The following PCDH11X variants were observed in gnomAD, a reference collection of about 807,000 sequenced individuals.
The protein encoded by PCDH11X is protocadherin-11 X-linked.
In PCDH11X, 18 loss-of-function variants were observed where a neutral mutation model predicts 53.3. The observed-to-expected ratio is 0.34, with a 90% confidence interval of 0.23 to 0.50. PCDH11X has a LOEUF of 0.50. Among genes scored for constraint, PCDH11X ranks in the 20% least tolerant of loss-of-function variants. The pLI is 0.98. For missense variants in PCDH11X, 570 were observed against 1,032.4 expected (o/e 0.55, Z 6.14); for synonymous variants, 279 against 393.3 (o/e 0.71, Z 3.44).
At chrX:92,272,086 A>C (rs767435813) in intron 8 of PCDH11X, among the ~76,000 whole-genome samples, 9 of 111,665 alleles carry the variant, frequency 8.1e-5, no homozygotes, top group South Asian at 7.5e-4. Flanking sequence ...CTCGACATAA[A>C]ATATAAATGG....
intron 4 of PCDH11X, among the ~76,000 whole-genome samples, chrX:91,814,881 T>C (rs1936405677): frequency 9.4e-6 from 1 of 106,403 alleles, no homozygotes; most frequent in Non-Finnish European, 1.9e-5. Context: ...AGGATTAGAC[T>C]TGTCTTTGTG....
intron 5 of PCDH11X, among the ~76,000 whole-genome samples, chrX:91,838,094 C>T (rs192834213): frequency 3.9e-4 from 44 of 111,716 alleles, no homozygotes; most frequent in African/African-American, 1.4e-3. Context: ...TGTTTTAAAA[C>T]GTAGTGCTTT....
chrX:92,411,978 A>G (rs1388026395), intron 9 of PCDH11X, among the ~76,000 whole-genome samples: 2 of 12,385 alleles, frequency 1.6e-4, no homozygotes, highest in Admixed American at 1.3e-3. Context: ...AGGGAAGAAG[A>G]AGAAGAAGAA....
intron 6 of PCDH11X, among the ~76,000 whole-genome samples, chrX:91,917,178 A>G (rs770051594): frequency 5.4e-5 from 6 of 110,179 alleles, no homozygotes; most frequent in East Asian, 2.9e-4. Flanking sequence ...AATAAAAGCT[A>G]TCTGTGACAA....
chrX:92,277,159 T>A (rs752010600), intron 8 of PCDH11X, among the ~76,000 whole-genome samples: 88 of 109,202 alleles, frequency 8.1e-4, no homozygotes, highest in African/African-American at 2.9e-3. Context: ...ACGCTTGGGG[T>A]TGGGACTGAG....
chrX:92,164,425 A>G (rs2065696753), intron 6 of PCDH11X, among the ~76,000 whole-genome samples: 1 of 112,186 alleles, frequency 8.9e-6, no homozygotes, highest in Non-Finnish European at 1.9e-5. Context: ...TTCTAATGAG[A>G]AGTAATTCTA....
chrX:92,355,202 C>A (rs1196992474), intron 8 of PCDH11X, among the ~76,000 whole-genome samples: 1 of 95,433 alleles, frequency 1.0e-5, no homozygotes, highest in Admixed American at 1.2e-4. Flanking sequence ...CCGAGGCGGG[C>A]GGATCATGAG....
rs774757556 is a variant in PCDH11X, at chrX:91,782,799, C to T, written c.-379+3115C>T. ...TAAGACGGAAGCCCGCTGCGGCTTCCCTTTTGAGCTTGCTCTTATAGTCCT... is the reference window on the plus strand; with the variant it reads ...TAAGACGGAAGCCCGCTGCGGCTTCTCTTTTGAGCTTGCTCTTATAGTCCT... On this transcript the variant is annotated intron_variant, in intron 1 of 10. Transcript: ENST00000682573. 9.8e-4 allele frequency among the ~76,000 whole-genome samples: 109 copies of T among 111,662 alleles called. 1 individual carries two copies. The highest frequency in any genetic ancestry group is 3.4e-3 in the African/African-American group (104 of 30,746).
chrX:92,147,597 TG>T (rs1266630623), intron 6 of PCDH11X, among the ~76,000 whole-genome samples: 1 of 109,974 alleles, frequency 9.1e-6, no homozygotes, highest in Admixed American at 9.7e-5. Flanking sequence ...AGAACTCGAT[TG>T]AAGTTTAACT....
At chrX:92,033,335 T>C (rs1602721717) in intron 6 of PCDH11X, among the ~76,000 whole-genome samples, 1 of 104,817 alleles carries the variant, frequency 9.5e-6, no homozygotes, top group African/African-American at 3.5e-5. Flanking sequence ...TATAAATGTT[T>C]GGTAGAATTC....
At chrX:92,072,174 C>T (rs2063711746) in intron 6 of PCDH11X, among the ~76,000 whole-genome samples, 2 of 110,289 alleles carry the variant, frequency 1.8e-5, no homozygotes, top group Non-Finnish European at 3.8e-5. Flanking sequence ...CAGGCTTGAA[C>T]TCACCCTTTA....
intron 4 of PCDH11X, among the ~76,000 whole-genome samples, chrX:91,821,154 G>A (rs771347284): frequency 0.035 from 3,781 of 106,507 alleles, 288 homozygotes; most frequent in African/African-American, 0.14. Context: ...TTGGCGATGC[G>A]GGCTCTTTTT....
intron 4 of PCDH11X, among the ~76,000 whole-genome samples, chrX:91,825,187 C>G (rs1311589119): frequency 9.2e-5 from 10 of 108,721 alleles, no homozygotes; most frequent in African/African-American, 3.6e-4. Context: ...CCTCCTTGAG[C>G]TGTGGTGGGC....
At chrX:92,085,763 G>A (rs1024418097) in intron 6 of PCDH11X, among the ~76,000 whole-genome samples, 1 of 111,017 alleles carries the variant, frequency 9.0e-6, no homozygotes, top group African/African-American at 3.3e-5. Context: ...AAATATCACA[G>A]AGCTGGAACT....
chrX:91,945,177 A>G (rs2061558799), intron 6 of PCDH11X, among the ~76,000 whole-genome samples: 1 of 104,902 alleles, frequency 9.5e-6, no homozygotes, highest in African/African-American at 3.4e-5. Context: ...TAGATTAAAG[A>G]AAAATATTAT....
intron 8 of PCDH11X, among the ~76,000 whole-genome samples, chrX:92,271,323 G>A (rs942022858): frequency 8.9e-6 from 1 of 112,136 alleles, no homozygotes; most frequent in African/African-American, 3.2e-5. Context: ...ATATTTTGAG[G>A]TAACGTATTG....
At chrX:92,460,087 G>T in intron 9 of PCDH11X, 1 of 1,043,938 alleles carries the variant, frequency 9.6e-7, no homozygotes. Flanking sequence ...TCAGATCTTC[G>T]CAAATACTGT....
intron 7 of PCDH11X, among the ~76,000 whole-genome samples, chrX:92,207,807 C>T (rs1007735181): frequency 1.8e-5 from 2 of 111,252 alleles, no homozygotes; most frequent in Non-Finnish European, 3.8e-5. Flanking sequence ...CAAAAAAGGA[C>T]ATAAAATAGT....
intron 1 of PCDH11X, among the ~76,000 whole-genome samples, chrX:91,808,281 G>T (rs1247118135): frequency 1.9e-5 from 2 of 107,178 alleles, no homozygotes; most frequent in Admixed American, 2.0e-4. Context: ...CAAATCATGA[G>T]GTCAGGAGTT....
Sources: gnomAD v4.1 joint callset for allele counts (sites outside exome capture counted in the v4.1 genomes callset) on GRCh38, gnomAD v4.1.1 for gene constraint, MANE v1.5 for transcripts, NCBI Gene and HGNC (gene_info 2026-07-23, HGNC 2026-07-21) for gene names.